The following SCN8A variants were observed in gnomAD, a reference collection of about 807,000 sequenced individuals.
SCN8A encodes the protein sodium voltage-gated channel alpha subunit 8, also known as sodium channel protein type 8 subunit alpha.
Under a neutral mutation model 184.1 loss-of-function variants are expected in SCN8A, and 30 were observed. The ratio of observed to expected loss-of-function variants is 0.16; its 90% CI spans 0.12 to 0.22. The LOEUF is 0.22. Among genes scored for constraint, SCN8A ranks in the 10% least tolerant of loss-of-function variants. The probability of loss-of-function intolerance (pLI) is 1.00; values close to 1 mark genes in which losing one functional copy is unlikely to be tolerated. For missense variants in SCN8A, 1,057 were observed against 2,498.9 expected (o/e 0.42, Z 12.30); for synonymous variants, 852 against 907.0 (o/e 0.94, Z 1.09).
chr12:51,636,481 AATC>A (rs1454939458), intron 1 of SCN8A, among the ~76,000 whole-genome samples: 3 of 152,210 alleles, frequency 2.0e-5, no homozygotes, highest in African/African-American at 7.2e-5. Context: ...CATACTCCCA[AATC>A]ATCATTTAAC....
chr12:51,699,329 G>A (rs1476938633), intron 6 of SCN8A, among the ~76,000 whole-genome samples: 1 of 152,218 alleles, frequency 6.6e-6, no homozygotes, highest in Non-Finnish European at 1.5e-5. Flanking sequence ...GAAGAAAGGA[G>A]CCACATGTTG....
intron 1 of SCN8A, among the ~76,000 whole-genome samples, chr12:51,650,071 A>T (rs1482078152): frequency 6.6e-6 from 1 of 152,184 alleles, no homozygotes; most frequent in Admixed American, 6.5e-5. Flanking sequence ...CTCTAGGGCA[A>T]GGGTAAAATG....
intron 19 of SCN8A, among the ~76,000 whole-genome samples, chr12:51,772,213 T>C (rs1179994888): frequency 6.6e-6 from 1 of 151,844 alleles, no homozygotes; most frequent in Non-Finnish European, 1.5e-5. Context: ...CTGACCGATA[T>C]GGAGAAACCA....
At chr12:51,591,536 G>T (rs1268495011) in intron 1 of SCN8A, among the ~76,000 whole-genome samples, 177 bp downstream of exon 1, 3 of 152,172 alleles carry the variant, frequency 2.0e-5, no homozygotes, top group African/African-American at 7.2e-5. Context: ...TTTTGGACAG[G>T]TGTTTGGAAC....
chr12:51,649,570 G>T (rs1157333141), intron 1 of SCN8A, among the ~76,000 whole-genome samples: 1 of 152,168 alleles, frequency 6.6e-6, no homozygotes, highest in African/African-American at 2.4e-5. Context: ...ACACCACATG[G>T]AAGCTGCCAA....
At chr12:51,690,536 T>G (rs1941489573) in intron 6 of SCN8A, among the ~76,000 whole-genome samples, 1 of 151,810 alleles carries the variant, frequency 6.6e-6, no homozygotes, top group Non-Finnish European at 1.5e-5. Context: ...AAAAAAAATT[T>G]TTTTGTAGAG....
intron 12 of SCN8A, among the ~76,000 whole-genome samples, chr12:51,733,122 T>C (rs1942270516): frequency 6.6e-6 from 1 of 152,208 alleles, no homozygotes; most frequent in African/African-American, 2.4e-5. Flanking sequence ...TGAGTATCCT[T>C]GTTGTGTTCC....
chr12:51,679,372 A>G (rs1941285332), intron 2 of SCN8A, among the ~76,000 whole-genome samples: 1 of 152,242 alleles, frequency 6.6e-6, no homozygotes, highest in South Asian at 2.1e-4. Flanking sequence ...CTGTTTTTGT[A>G]TGGCCCACAA....
intron 26 of SCN8A, among the ~76,000 whole-genome samples, chr12:51,797,878 G>C (rs976575939): frequency 2.0e-5 from 3 of 152,176 alleles, no homozygotes; most frequent in African/African-American, 7.2e-5. Context: ...CCTAGTGACA[G>C]CATTCCTCCC....
chr12:51,697,247 C>T (rs1046560782), intron 6 of SCN8A, among the ~76,000 whole-genome samples: 4 of 152,136 alleles, frequency 2.6e-5, no homozygotes, highest in Non-Finnish European at 4.4e-5. Context: ...ATGGAAGGCT[C>T]ACTCTAAGAA....
intron 24 of SCN8A, 75 bp downstream of exon 24, chr12:51,789,493 A>G: frequency 6.9e-7 from 1 of 1,456,140 alleles, no homozygotes. Flanking sequence ...TATCTCTAGA[A>G]AGAAAATGTC....
chr12:51,634,628 A>G (rs1940272190), intron 1 of SCN8A, among the ~76,000 whole-genome samples: 1 of 147,150 alleles, frequency 6.8e-6, no homozygotes, highest in African/African-American at 2.5e-5. Context: ...TCTACAATGA[A>G]ATACGTATTA....
intron 10 of SCN8A, among the ~76,000 whole-genome samples, chr12:51,706,132 A>C (rs1941779289): frequency 6.6e-6 from 1 of 152,186 alleles, no homozygotes; most frequent in Non-Finnish European, 1.5e-5. Flanking sequence ...GTTACTTAGC[A>C]TTCATTTCCA....
chr12:51,735,267 A>G (rs960594388), intron 12 of SCN8A, among the ~76,000 whole-genome samples: 6 of 152,230 alleles, frequency 3.9e-5, no homozygotes, highest in South Asian at 2.1e-4. Flanking sequence ...GAGAGGTGCA[A>G]TTCAAGCTTA....
chr12:51,751,671 G>C (rs1942597480), intron 14 of SCN8A, 78 bp downstream of exon 14: 3 of 1,088,218 alleles, frequency 2.8e-6, no homozygotes, highest in Admixed American at 2.3e-5. Context: ...GGTACTGAAA[G>C]CTGGAGTTTC....
chr12:51,743,732 C>G (rs1463679456), intron 12 of SCN8A, among the ~76,000 whole-genome samples: 1 of 152,220 alleles, frequency 6.6e-6, no homozygotes, highest in East Asian at 1.9e-4. Context: ...GGTGGTGAAG[C>G]CAGCCAGGTT....
chr12:51,663,108 G>A lies in SCN8A; in HGVS notation c.276+15G>A, dbSNP rs753501141. 5.6e-6 allele frequency: 9 copies of A among 1,612,202 alleles called. 1 individual carries two copies. The South Asian group carries it at 9.9e-5, about 18-fold the overall frequency. ...TGACGCAGAAAGTGAGTTGGAGGAG[G>A]AGGAGCAGCTGCAGATACCTGTTTC... On this transcript the variant is annotated intron_variant, in intron 2 of 26. Coordinates refer to ENST00000627620, the MANE Select transcript of SCN8A (RefSeq NM_001330260.2).
chr12:51,789,208 C>G, intron 23 of SCN8A, 73 bp from the exon 24 acceptor site: 1 of 1,536,734 alleles, frequency 6.5e-7, no homozygotes, highest in African/African-American at 1.4e-5. Context: ...GTCACAGTTA[C>G]GGCTGATGGC....
intron 2 of SCN8A, among the ~76,000 whole-genome samples, chr12:51,683,918 G>A (rs1043925904): frequency 6.6e-6 from 1 of 152,132 alleles, no homozygotes; most frequent in African/African-American, 2.4e-5. Flanking sequence ...GATTCAAATG[G>A]CCTGTTTCTG....
Sources: allele counts gnomAD v4.1 joint callset (sites outside exome capture counted in the v4.1 genomes callset), GRCh38; gene constraint gnomAD v4.1.1; transcripts MANE v1.5; gene names NCBI Gene and HGNC (gene_info 2026-07-23, HGNC 2026-07-21).